SORCS2: variants seen among roughly 807,000 people sequenced by gnomAD.
SORCS2 encodes VPS10 domain-containing receptor SorCS2.
SORCS2 carries 100 observed loss-of-function variants against 141.6 expected under a neutral mutation model. That is an observed-to-expected ratio of 0.71 (90% CI 0.60 to 0.83). The LOEUF (loss-of-function observed/expected upper bound fraction) is 0.83. Among genes scored for constraint, SORCS2 ranks in the 40% least tolerant of loss-of-function variants. SORCS2 has a pLI of 0.00. For missense variants in SORCS2, 1,646 were observed against 1,560.2 expected (o/e 1.05, Z -0.93); for synonymous variants, 789 against 676.9 (o/e 1.17, Z -2.57).
chr4:7,280,889 C>T (rs879865528), intron 1 of SORCS2, among the ~76,000 whole-genome samples: 5 of 152,178 alleles, frequency 3.3e-5, no homozygotes, highest in East Asian at 1.9e-4. Flanking sequence ...GCTTAGGAAG[C>T]GTCATTATCC....
intron 7 of SORCS2, among the ~76,000 whole-genome samples, chr4:7,665,499 T>C (rs922686696): frequency 3.3e-5 from 5 of 152,158 alleles, no homozygotes; most frequent in African/African-American, 1.2e-4. Context: ...TGATTCCTGC[T>C]CCTTCTCAAA....
chr4:7,538,210 T>A lies in SORCS2; in HGVS notation c.648+6581T>A, dbSNP rs145854977. Reference sequence around the variant, plus strand: ...TACAGGCCGAGCAGCACTTTATAGCTTCTTGGAGACCACTTTGCAACCTGT... The same window carrying A: ...TACAGGCCGAGCAGCACTTTATAGCATCTTGGAGACCACTTTGCAACCTGT... On this transcript the variant is annotated intron_variant, in intron 3 of 26. Transcript: ENST00000507866. 2.0e-5 allele frequency among the ~76,000 whole-genome samples: 3 copies of A among 152,332 alleles called. No individual in the cohort carries two copies. In the East Asian group the frequency reaches 5.8e-4, roughly 29 times the overall value.
intron 18 of SORCS2, among the ~76,000 whole-genome samples, chr4:7,722,962 G>A (rs1577118501): frequency 6.6e-6 from 1 of 152,158 alleles, no homozygotes; most frequent in East Asian, 1.9e-4. Context: ...AAGGGGAGGA[G>A]AGGAGGAAGG....
chr4:7,255,506 G>T (rs564243116), intron 1 of SORCS2, among the ~76,000 whole-genome samples: 2 of 152,212 alleles, frequency 1.3e-5, no homozygotes, highest in East Asian at 3.9e-4. Flanking sequence ...TGTGATGGGG[G>T]TCCAGCCCTT....
At chr4:7,731,437 G>A (rs568061802) in intron 23 of SORCS2, among the ~76,000 whole-genome samples, 5 of 152,142 alleles carry the variant, frequency 3.3e-5, no homozygotes, top group African/African-American at 1.2e-4. Context: ...AAATTTCAAT[G>A]ATGTTTTTCA....
At chr4:7,728,248 C>T (rs1038530690) in intron 21 of SORCS2, 102 bp from the exon 22 acceptor site, 6 of 764,568 alleles carry the variant, frequency 7.8e-6, no homozygotes, top group East Asian at 5.5e-5. Flanking sequence ...AAAGGCCTCC[C>T]GGGACCATCC....
chr4:7,380,556 C>T (rs1722923514), intron 1 of SORCS2, among the ~76,000 whole-genome samples: 1 of 152,330 alleles, frequency 6.6e-6, no homozygotes, highest in East Asian at 1.9e-4. Context: ...CATCTGATGG[C>T]TTTAAAGCCC....
chr4:7,504,571 T>G (rs1337494724), intron 2 of SORCS2, among the ~76,000 whole-genome samples: 1 of 152,188 alleles, frequency 6.6e-6, no homozygotes, highest in Non-Finnish European at 1.5e-5. Flanking sequence ...TGGTGGGATT[T>G]GAACCCACAT....
intron 2 of SORCS2, among the ~76,000 whole-genome samples, chr4:7,472,492 C>T (rs1204258424): frequency 6.6e-5 from 10 of 151,974 alleles, no homozygotes; most frequent in South Asian, 2.1e-4. Context: ...TTGTGGCAAG[C>T]GGGGGACAAG....
chr4:7,546,396 C>T (rs957772477), intron 3 of SORCS2, among the ~76,000 whole-genome samples: 10 of 152,182 alleles, frequency 6.6e-5, no homozygotes, highest in African/African-American at 2.4e-4. Context: ...TGGGAGGGCT[C>T]TCTCCTCTTC....
At chr4:7,261,029 A>C (rs73799428) in intron 1 of SORCS2, among the ~76,000 whole-genome samples, 11,597 of 152,180 alleles carry the variant, frequency 0.076, 1,345 homozygotes, top group African/African-American at 0.25. Context: ...CTGTCGGATG[A>C]TGCTTGGGAA....
chr4:7,392,817 G>A (rs566958157), intron 1 of SORCS2, among the ~76,000 whole-genome samples: 3 of 152,092 alleles, frequency 2.0e-5, no homozygotes, highest in South Asian at 2.1e-4. Context: ...TGCTGTGTGC[G>A]ATGCCACAGG....
At chr4:7,328,018 C>CTTTTTT (rs60976971) in intron 1 of SORCS2, among the ~76,000 whole-genome samples, 15 of 88,750 alleles carry the variant, frequency 1.7e-4, no homozygotes, top group African/African-American at 2.5e-4. Context: ...TCGTGCTAGG[C>CTTTTTT]TTTTTTTTTT....
At chr4:7,444,909 C>T (rs1357612177) in intron 2 of SORCS2, among the ~76,000 whole-genome samples, 1 of 152,212 alleles carries the variant, frequency 6.6e-6, no homozygotes, top group African/African-American at 2.4e-5. Context: ...ACACACCGAA[C>T]GTTTGGCCTG....
At chr4:7,455,093 C>T (rs1489578294) in intron 2 of SORCS2, among the ~76,000 whole-genome samples, 8 of 82,134 alleles carry the variant, frequency 9.7e-5, no homozygotes, top group African/African-American at 1.5e-4. Flanking sequence ...TGGGGTCAGG[C>T]ACTGTGTTGG....
intron 2 of SORCS2, among the ~76,000 whole-genome samples, chr4:7,498,675 T>C (rs903275455): frequency 2.0e-5 from 3 of 152,092 alleles, no homozygotes; most frequent in African/African-American, 7.2e-5. Flanking sequence ...GATCCCAAGA[T>C]CATATGAGGA....
At chr4:7,437,236 G>C (rs142765120) in intron 2 of SORCS2, among the ~76,000 whole-genome samples, 217 of 152,184 alleles carry the variant, frequency 1.4e-3, no homozygotes, top group African/African-American at 5.0e-3. Flanking sequence ...CCCCTCCTCG[G>C]GTTTGATAAT....
chr4:7,403,695 A>G (rs1577506460), intron 2 of SORCS2, among the ~76,000 whole-genome samples: 2 of 152,008 alleles, frequency 1.3e-5, no homozygotes, highest in East Asian at 3.9e-4. Context: ...AGAAGGTTAC[A>G]CAACATTTCT....
At chr4:7,417,701 C>T (rs1420224342) in intron 2 of SORCS2, among the ~76,000 whole-genome samples, 2 of 152,340 alleles carry the variant, frequency 1.3e-5, no homozygotes, top group Admixed American at 6.5e-5. Flanking sequence ...TGCTGGGCCT[C>T]GGCTTGCCCA....
Sources: allele counts gnomAD v4.1 joint callset (sites outside exome capture counted in the v4.1 genomes callset), GRCh38; gene constraint gnomAD v4.1.1; transcripts MANE v1.5; gene names NCBI Gene and HGNC (gene_info 2026-07-23, HGNC 2026-07-21).